RALA: variants seen among roughly 807,000 people sequenced by gnomAD.
RALA encodes the protein RAS like proto-oncogene A.
A neutral mutation model predicts 24.0 loss-of-function variants in RALA; 5 were observed. The observed-to-expected ratio is 0.21, with a 90% CI of 0.11 to 0.44. RALA has a LOEUF of 0.44. Ranked by LOEUF, RALA falls within the 20% of genes least tolerant of loss-of-function variation. The pLI is 0.99. For synonymous variants in RALA, 77 were observed against 83.8 expected (o/e 0.92, Z 0.44); for missense variants, 95 against 241.2 (o/e 0.39, Z 4.01).
At chr7:39,674,863 G>T (rs1792452551) in intron 1 of RALA, among the ~76,000 whole-genome samples, 4 of 110,792 alleles carry the variant, frequency 3.6e-5, no homozygotes, top group South Asian at 2.9e-4. Flanking sequence ...TTCCTCTGTT[G>T]CCCAGGCTGG....
intron 1 of RALA, among the ~76,000 whole-genome samples, chr7:39,681,833 A>G (rs1792609016): frequency 6.6e-6 from 1 of 152,162 alleles, no homozygotes; most frequent in African/African-American, 2.4e-5. Flanking sequence ...TTTCTTGTTC[A>G]ACTCTAGTTG....
intron 1 of RALA, among the ~76,000 whole-genome samples, chr7:39,648,172 C>T (rs117718957): frequency 0.027 from 4,181 of 152,196 alleles, 87 homozygotes; most frequent in East Asian, 0.079. Context: ...GCCCAGTGGC[C>T]TGGGTTCAGT....
chr7:39,639,763 C>G (rs533596816), intron 1 of RALA, among the ~76,000 whole-genome samples: 29 of 152,178 alleles, frequency 1.9e-4, no homozygotes, highest in African/African-American at 6.7e-4. Flanking sequence ...GAGCCTATTC[C>G]AGCAACTCAG....
At chr7:39,636,381 A>G (rs1324081997) in intron 1 of RALA, among the ~76,000 whole-genome samples, 1 of 152,162 alleles carries the variant, frequency 6.6e-6, no homozygotes, top group Non-Finnish European at 1.5e-5. Flanking sequence ...TTATTGTCTT[A>G]TCTTTTTTAT....
At position 39,669,280 on chromosome 7, in the gene RALA, A is replaced by G. The variant is rs981355523; in HGVS notation, c.-37-17351A>G. On this transcript the variant is annotated intron_variant, in intron 1 of 4. Transcript: ENST00000005257. The stretch of plus-strand genomic sequence containing the variant: ...GTCAAGGATCTTGACTTGCTCACCT[A>G]TGAACCTATCCCCCACCCTCTCCCA... Among the ~76,000 whole-genome samples the G allele has an allele frequency of 1.2e-4, 18 of 152,228 alleles. No homozygotes were observed. The Middle Eastern group carries it at 0.01, about 86-fold the overall frequency.
In RALA at chr7:39,707,384, TAGG is replaced by T. The variant is rs1793136575; in HGVS notation, c.*1142_*1144del. On this transcript the variant is annotated 3_prime_UTR_variant, in exon 5 of 5. Transcript: ENST00000005257. ...AGTTACAGTTTGATACAGGAATTATTAGGAGTAATTCTTTTCTGTTTCTGTTTA... is the reference window on the plus strand; with the variant it reads ...AGTTACAGTTTGATACAGGAATTATTAGTAATTCTTTTCTGTTTCTGTTTA... 6.6e-6 allele frequency: 1 copy of T among 152,250 alleles called. No homozygotes were observed. Among genetic ancestry groups the T allele is most frequent in the African/African-American group, 2.4e-5 (1 of 41,462 alleles). 9.4% of individuals were successfully genotyped at this position (152,250 alleles called of 1,614,324 possible).
At chr7:39,665,434 CAT>C (rs1792268093) in intron 1 of RALA, among the ~76,000 whole-genome samples, 1 of 151,974 alleles carries the variant, frequency 6.6e-6, no homozygotes, top group African/African-American at 2.4e-5. Flanking sequence ...GTCAAATAAG[CAT>C]TTGTAGTTAA....
intron 1 of RALA, among the ~76,000 whole-genome samples, chr7:39,666,901 ATCT>A (rs943625156): frequency 4.6e-5 from 7 of 152,198 alleles, no homozygotes; most frequent in East Asian, 1.9e-4. Context: ...TGATCAATAC[ATCT>A]TCTTATAAAT....
At chr7:39,639,622 T>C (rs569090482) in intron 1 of RALA, among the ~76,000 whole-genome samples, 1 of 152,350 alleles carries the variant, frequency 6.6e-6, no homozygotes, top group South Asian at 2.1e-4. Context: ...TGAGCACTTT[T>C]ATATCATATC....
At position 39,639,971 on chromosome 7, in the gene RALA, C is replaced by T. The variant is rs561466139; in HGVS notation, c.-38+16146C>T. 2.0e-5 allele frequency among the ~76,000 whole-genome samples: 3 copies of T among 147,352 alleles called. No homozygotes were observed. The South Asian group carries it at 6.2e-4, about 31-fold the overall frequency. ...TGAACCAAACAACATTATTTGAGAA[C>T]CTGCTGTAGTCTTTTTTGACGTTAG... On this transcript the variant is annotated intron_variant, in intron 1 of 4. Coordinates refer to ENST00000005257, the MANE Select transcript of RALA (RefSeq NM_005402.4).
intron 1 of RALA, among the ~76,000 whole-genome samples, chr7:39,674,059 AAAT>A (rs1219029035): frequency 1.3e-5 from 2 of 150,612 alleles, no homozygotes; most frequent in African/African-American, 2.4e-5. Context: ...ATAAATAAAT[AAAT>A]AAATAAATAA....
intron 3 of RALA, among the ~76,000 whole-genome samples, chr7:39,692,101 G>T (rs186461243): frequency 1.3e-5 from 2 of 152,218 alleles, no homozygotes; most frequent in East Asian, 1.9e-4. Flanking sequence ...TTGGTGAAAG[G>T]CTTTTTTGAA....
In RALA at chr7:39,680,021, A is replaced by G. The variant is rs1279034457; in HGVS notation, c.-37-6610A>G. Reference sequence around the variant, plus strand: ...GCCAGAAATTTTTTTCAGTAGTACAATTTTTCAAACTTATGACGGGTTTTA... The same window carrying G: ...GCCAGAAATTTTTTTCAGTAGTACAGTTTTTCAAACTTATGACGGGTTTTA... On this transcript the variant is annotated intron_variant, in intron 1 of 4. Coordinates refer to ENST00000005257, the MANE Select transcript of RALA (RefSeq NM_005402.4). 2.0e-5 allele frequency among the ~76,000 whole-genome samples: 3 copies of G among 151,852 alleles called. No homozygotes were observed. The East Asian group carries it at 5.8e-4, about 29-fold the overall frequency.
At chr7:39,696,330 A>G (rs1432678317) in intron 3 of RALA, among the ~76,000 whole-genome samples, 2 of 152,228 alleles carry the variant, frequency 1.3e-5, no homozygotes, top group Non-Finnish European at 2.9e-5. Flanking sequence ...ATTGAGAGAC[A>G]TTGTACAAAC....
chr7:39,648,442 T>A (rs1431402534), intron 1 of RALA, among the ~76,000 whole-genome samples: 2 of 152,024 alleles, frequency 1.3e-5, no homozygotes, highest in African/African-American at 4.8e-5. Flanking sequence ...CTTTTCACAG[T>A]TAACTCTTTC....
intron 1 of RALA, among the ~76,000 whole-genome samples, chr7:39,663,161 G>A (rs144661468): frequency 6.6e-6 from 1 of 152,280 alleles, no homozygotes; most frequent in Non-Finnish European, 1.5e-5. Flanking sequence ...GAGATTGGGT[G>A]GGGACACAAC....
In RALA at chr7:39,693,211, A is replaced by G. The variant is rs183363565; in HGVS notation, c.323+2621A>G. Among the ~76,000 whole-genome samples the G allele has an allele frequency of 2.0e-3, 306 of 152,356 alleles. 1 individual carries two copies. Among genetic ancestry groups the G allele is most frequent in the African/African-American group, 6.9e-3 (288 of 41,578 alleles). On this transcript the variant is annotated intron_variant, in intron 3 of 4. Transcript: ENST00000005257. ...AGACTGAATTAAGAAAATATGGCACATATACACCATGGAATACTATGCAGC... is the reference window on the plus strand; with the variant it reads ...AGACTGAATTAAGAAAATATGGCACGTATACACCATGGAATACTATGCAGC...
intron 1 of RALA, among the ~76,000 whole-genome samples, chr7:39,666,680 TTTC>T (rs1227749791): frequency 6.6e-6 from 1 of 152,214 alleles, no homozygotes; most frequent in Non-Finnish European, 1.5e-5. Flanking sequence ...TTATATTTTC[TTTC>T]TTTCTTCTTA....
chr7:39,631,912 A>G (rs1791604495), intron 1 of RALA, among the ~76,000 whole-genome samples: 1 of 152,170 alleles, frequency 6.6e-6, no homozygotes, highest in African/African-American at 2.4e-5. Context: ...CTGGCATGAC[A>G]CCAACATCTG....
Sources: allele counts gnomAD v4.1 joint callset (sites outside exome capture counted in the v4.1 genomes callset), GRCh38; gene constraint gnomAD v4.1.1; transcripts MANE v1.5; gene names NCBI Gene and HGNC (gene_info 2026-07-23, HGNC 2026-07-21).